RAB28: variants seen among roughly 807,000 people sequenced by gnomAD.
RAB28 encodes the protein RAB28, member RAS oncogene family, also known as ras-related protein Rab-28.
RAB28 carries 24 observed loss-of-function variants against 31.7 expected under a neutral mutation model. The ratio of observed to expected loss-of-function variants is 0.76; its 90% confidence interval spans 0.55 to 1.06. RAB28 has a LOEUF of 1.06. RAB28 is among the 50% of genes least tolerant of loss of function. RAB28 has a pLI of 0.00. For missense variants in RAB28, 254 were observed against 258.5 expected (o/e 0.98, Z 0.12); for synonymous variants, 100 against 90.4 (o/e 1.11, Z -0.60).
chr4:13,421,767 C>T lies in RAB28; in HGVS notation c.391+38932G>A, dbSNP rs567521245. Among the ~76,000 whole-genome samples the T allele has an allele frequency of 2.6e-4, 39 of 152,168 alleles. 1 individual carries two copies. Among genetic ancestry groups the T allele is most frequent in the Admixed American group, 9.2e-4 (14 of 15,274 alleles). On this transcript the variant is annotated intron_variant, in intron 4 of 6. Coordinates refer to ENST00000330852, the MANE Select transcript of RAB28 (RefSeq NM_001017979.3). The stretch of plus-strand genomic sequence containing the variant: ...AAATTAATTCAAGATGGATTATAGA[C>T]TTAAATGTTAGACCTAAAACCATAA...
At chr4:13,370,148 T>A in intron 6 of RAB28, 1 of 979,354 alleles carries the variant, frequency 1.0e-6, no homozygotes, top group Admixed American at 6.2e-5. Flanking sequence ...AATGTACACA[T>A]ACAAAAGGAA....
chr4:13,455,985 T>C (rs904913727), intron 4 of RAB28, among the ~76,000 whole-genome samples: 1 of 152,236 alleles, frequency 6.6e-6, no homozygotes, highest in South Asian at 2.1e-4. Context: ...TATTTATTAA[T>C]CTCAACAACC....
At position 13,406,390 on chromosome 4, in the gene RAB28, C is replaced by A. The variant is rs140303691; in HGVS notation, c.392-24796G>T. ...TGTATATATAACACATTTTCTTTAT[C>A]CAGTCTACCATTGGTGGGCATTTGG... On this transcript the variant is annotated intron_variant, in intron 4 of 6. Coordinates refer to ENST00000330852, the MANE Select transcript of RAB28 (RefSeq NM_001017979.3). 4.6e-3 allele frequency among the ~76,000 whole-genome samples: 697 copies of A among 152,254 alleles called. 6 individuals are homozygous for A. Among genetic ancestry groups the A allele is most frequent in the African/African-American group, 0.016 (664 of 41,548 alleles).
At chr4:13,378,852 CA>C (rs1192791192) in intron 5 of RAB28, among the ~76,000 whole-genome samples, 1 of 152,020 alleles carries the variant, frequency 6.6e-6, no homozygotes, top group Non-Finnish European at 1.5e-5. Context: ...AAATAGGAAA[CA>C]AGGTCATCAG....
intron 3 of RAB28, among the ~76,000 whole-genome samples, chr4:13,467,195 T>C (rs1281425322): frequency 6.6e-6 from 1 of 151,972 alleles, no homozygotes; most frequent in African/African-American, 2.4e-5. Flanking sequence ...AAAAAAGTTA[T>C]AAGTACTTGA....
At chr4:13,461,787 C>T (rs1351474950) in intron 3 of RAB28, among the ~76,000 whole-genome samples, 1 of 152,114 alleles carries the variant, frequency 6.6e-6, no homozygotes, top group African/African-American at 2.4e-5. Flanking sequence ...AGTATAAGCC[C>T]GGACCCTAAT....
At chr4:13,454,707 G>A (rs943898041) in intron 4 of RAB28, among the ~76,000 whole-genome samples, 11 of 152,116 alleles carry the variant, frequency 7.2e-5, no homozygotes, top group African/African-American at 2.7e-4. Context: ...CTCAGGTCAG[G>A]GTGCATACAT....
At chr4:13,421,846 G>A (rs1713168685) in intron 4 of RAB28, among the ~76,000 whole-genome samples, 1 of 152,160 alleles carries the variant, frequency 6.6e-6, no homozygotes, top group African/African-American at 2.4e-5. Flanking sequence ...CATGGGCAAG[G>A]ACTTCGTGAC....
intron 4 of RAB28, among the ~76,000 whole-genome samples, chr4:13,408,624 A>G (rs549059527): frequency 4.6e-4 from 70 of 152,278 alleles, no homozygotes; most frequent in African/African-American, 1.6e-3. Flanking sequence ...AAAGCGGGCT[A>G]AAATCCTTGA....
intron 4 of RAB28, among the ~76,000 whole-genome samples, chr4:13,452,615 T>C (rs1458796551): frequency 6.6e-6 from 1 of 152,104 alleles, no homozygotes; most frequent in African/African-American, 2.4e-5. Context: ...TTATTCCATA[T>C]AGTCAGATAA....
In RAB28 at chr4:13,387,730, CA is replaced by C. The variant is rs527938937; in HGVS notation, c.392-6137del. Among the ~76,000 whole-genome samples, 166 of 152,100 alleles carry C rather than the reference CA, an allele frequency of 1.1e-3. 2 individuals carry two copies. Among genetic ancestry groups the C allele is most frequent in the African/African-American group, 3.8e-3 (158 of 41,524 alleles). On this transcript the variant is annotated intron_variant, in intron 4 of 6. Coordinates refer to ENST00000330852, the MANE Select transcript of RAB28 (RefSeq NM_001017979.3). ...TTAAAGAAAAAATGTATGTTTTCAA[CA>C]TGATTGATTCTTCAATTTCAAAAAA...
At chr4:13,431,744 A>G (rs1713816605) in intron 4 of RAB28, among the ~76,000 whole-genome samples, 1 of 152,146 alleles carries the variant, frequency 6.6e-6, no homozygotes, top group African/African-American at 2.4e-5. Context: ...AATCATACAC[A>G]ATATACACTA....
intron 4 of RAB28, among the ~76,000 whole-genome samples, chr4:13,459,220 T>C (rs912778990): frequency 2.0e-5 from 3 of 152,178 alleles, no homozygotes; most frequent in African/African-American, 4.8e-5. Flanking sequence ...GGCTGCACTG[T>C]TGGCTTCCCT....
rs201161632 is a variant in RAB28, at chr4:13,479,512, C to G, written c.90G>C (p.Thr30=). The G allele has an allele frequency of 9.6e-5, 154 of 1,603,532 alleles. No homozygotes were observed. Among genetic ancestry groups the G allele is most frequent in the Non-Finnish European group, 1.3e-4 (149 of 1,172,590 alleles). The change falls in exon 2 of 7, where the codon ACG becomes ACC. Residue 30 remains threonine, a synonymous_variant. Coordinates refer to ENST00000330852, the MANE Select transcript of RAB28 (RefSeq NM_001017979.3). ...DGASGKTSLT[T]CFAQETFGKQ... Reference sequence around the variant, plus strand: ...TCCCAAAAGTTTCTTGAGCAAAACACGTAGTTAAGGAGGTCTAAAAAATTG... The same window carrying G: ...TCCCAAAAGTTTCTTGAGCAAAACAGGTAGTTAAGGAGGTCTAAAAAATTG...
At chr4:13,478,508 C>T (rs900590590) in intron 2 of RAB28, among the ~76,000 whole-genome samples, 25 of 151,502 alleles carry the variant, frequency 1.7e-4, no homozygotes, top group African/African-American at 6.0e-4. Context: ...GATGGGGTGT[C>T]TGAGAGGTTA....
At chr4:13,449,041 TA>T (rs1436242755) in intron 4 of RAB28, among the ~76,000 whole-genome samples, 3 of 152,110 alleles carry the variant, frequency 2.0e-5, no homozygotes, top group African/African-American at 7.2e-5. Context: ...AAGAAATGGT[TA>T]AAAGGGCAGA....
intron 4 of RAB28, among the ~76,000 whole-genome samples, chr4:13,392,100 A>C (rs1729659191): frequency 6.6e-6 from 1 of 152,148 alleles, no homozygotes; most frequent in Admixed American, 6.5e-5. Flanking sequence ...TTTTTAAAAA[A>C]TTCTGAATCT....
At chr4:13,377,466 GT>G (rs1349581807) in intron 5 of RAB28, among the ~76,000 whole-genome samples, 2 of 152,178 alleles carry the variant, frequency 1.3e-5, no homozygotes, top group Non-Finnish European at 2.9e-5. Context: ...GCATATTTTA[GT>G]TCACTGATGG....
intron 4 of RAB28, among the ~76,000 whole-genome samples, chr4:13,443,940 G>C (rs1056417396): frequency 4.6e-5 from 7 of 151,362 alleles, no homozygotes; most frequent in African/African-American, 1.5e-4. Context: ...TGCAGTGCTT[G>C]TCGTTCTGTG....
Sources: allele counts gnomAD v4.1 joint callset (sites outside exome capture counted in the v4.1 genomes callset), GRCh38; gene constraint gnomAD v4.1.1; transcripts MANE v1.5; gene names NCBI Gene and HGNC (gene_info 2026-07-23, HGNC 2026-07-21).